Variants in DNAH5 observed in about 807,000 individuals in gnomAD.
DNAH5 encodes the protein axonemal beta dynein heavy chain 5.
In DNAH5, 372 loss-of-function variants were observed where a neutral mutation model predicts 518.2. That is an observed-to-expected ratio of 0.72 (90% CI 0.66 to 0.78). DNAH5 has a LOEUF of 0.78. DNAH5 is among the 30% of genes least tolerant of loss of function. The pLI, the probability that DNAH5 is intolerant of heterozygous loss-of-function variation, is 0.00. For synonymous variants in DNAH5, 2,039 were observed against 2,025.9 expected (o/e 1.01, Z -0.17); for missense variants, 5,523 against 5,687.0 (o/e 0.97, Z 0.93).
chr5:13,874,842 G>T (rs17275319), intron 22 of DNAH5, among the ~76,000 whole-genome samples: 7,947 of 151,722 alleles, frequency 0.052, 243 homozygotes, highest in Non-Finnish European at 0.072. Context: ...AAGCCAGGTT[G>T]TGTTAGAAGT....
rs763600940 is a variant in DNAH5, at chr5:13,917,244, T to A, written c.988A>T (p.Met330Leu). The change falls in exon 8 of 79, where the codon ATG becomes TTG. Residue 330 changes from methionine to leucine, a missense_variant. Around this residue, in one of 3 missense-constraint regions of DNAH5, gnomAD observed 5,121 missense variants for 5,223.3 expected, o/e 0.98. Transcript: ENST00000265104. The part of the protein sequence containing the change: ...KSKLLKTWRE[M>L]DIRITDATNE... The stretch of plus-strand genomic sequence containing the variant: ...GTTGCATCAGTGATTCGAATATCCA[T>A]CTCCCGCCAAGTCTAAGCACAATAG... The A allele has an allele frequency of 1.2e-6, 2 of 1,613,690 alleles. No homozygotes were observed. Among genetic ancestry groups the A allele is most frequent in the Admixed American group, 1.7e-5 (1 of 60,012 alleles).
chr5:13,814,229 T>G (rs940969387), intron 43 of DNAH5, among the ~76,000 whole-genome samples: 4 of 152,234 alleles, frequency 2.6e-5, no homozygotes, highest in African/African-American at 9.6e-5. Flanking sequence ...GTTAATGTTC[T>G]AAGATGGTCC....
At chr5:13,972,268 C>CT (rs150154370) in intron 1 of DNAH5, among the ~76,000 whole-genome samples, 103 of 152,330 alleles carry the variant, frequency 6.8e-4, no homozygotes, top group African/African-American at 2.4e-3. Flanking sequence ...GCAAGCAGGG[C>CT]TGTCAGGTTC....
chr5:13,977,706 C>T (rs1384957032), intron 1 of DNAH5, among the ~76,000 whole-genome samples: 1 of 152,216 alleles, frequency 6.6e-6, no homozygotes, highest in African/African-American at 2.4e-5. Flanking sequence ...CATCCTGGGT[C>T]CCAGCCCAGG....
chr5:13,941,816 C>A (rs1339285790), intron 1 of DNAH5, among the ~76,000 whole-genome samples: 1 of 152,208 alleles, frequency 6.6e-6, no homozygotes, highest in Non-Finnish European at 1.5e-5. Context: ...AACACACATT[C>A]CGCTGCAGTG....
At chr5:13,915,731 G>A (rs757037399) in intron 9 of DNAH5, among the ~76,000 whole-genome samples, 83 of 152,044 alleles carry the variant, frequency 5.5e-4, no homozygotes, top group Non-Finnish European at 1.0e-3. Context: ...TAACACTTAA[G>A]ATTTTTGCTT....
chr5:13,691,313 A>G lies in DNAH5; in HGVS notation c.*671T>C. ...TGCTCCAGCAATTTGTGAGTGGATC[A>G]GTTTTACTGAGAGCATGCTATCATT... is the stretch of plus-strand genomic sequence containing the variant. On this transcript the variant is annotated 3_prime_UTR_variant, in exon 79 of 79. Coordinates refer to ENST00000265104, the MANE Select transcript of DNAH5 (RefSeq NM_001369.3). 6.6e-6 allele frequency: 1 copy of G among 152,208 alleles called. No homozygotes were observed. The highest frequency in any genetic ancestry group is 1.9e-4 in the East Asian group (1 of 5,200). The allele number at this position is 152,208 out of a possible 1,614,324, so 9.4% of individuals were successfully genotyped here.
At chr5:13,844,758 C>T (rs917758154) in intron 32 of DNAH5, 79 bp downstream of exon 32, 22 of 1,585,032 alleles carry the variant, frequency 1.4e-5, no homozygotes, top group Non-Finnish European at 1.8e-5. Context: ...GTTATAAACC[C>T]GTTTTCGAAG....
At chr5:13,735,089 C>T (rs1185272932) in intron 68 of DNAH5, 42 bp downstream of exon 68, 8 of 1,591,422 alleles carry the variant, frequency 5.0e-6, no homozygotes, top group Non-Finnish European at 6.0e-6. Context: ...AATAACTCCT[C>T]CATCTGCACC....
chr5:13,926,294 C>T (rs1003918296), intron 3 of DNAH5, among the ~76,000 whole-genome samples: 22 of 152,198 alleles, frequency 1.4e-4, no homozygotes, highest in Non-Finnish European at 2.6e-4. Context: ...GGAGAAACCA[C>T]CACCGTGCCC....
At position 13,864,482 on chromosome 5, in the gene DNAH5, C is replaced by T; in HGVS notation, c.4511G>A (p.Gly1504Glu). The T allele has an allele frequency of 6.2e-7, 1 of 1,614,120 alleles. No homozygotes were observed. Among genetic ancestry groups the T allele is most frequent in the Non-Finnish European group, 8.5e-7 (1 of 1,180,004 alleles). ...RHWERITTLT[G>E]HSLDVGNESF... ...TTCATTCCCCACATCCAGACTGTGCCCGGTGAGGGTGGTTATCCTTTCCCA... is the reference window on the plus strand; with the variant it reads ...TTCATTCCCCACATCCAGACTGTGCTCGGTGAGGGTGGTTATCCTTTCCCA... Residue 1504 changes from glycine (G) to glutamate (E), a missense_variant, in exon 28 of 79, where the codon GGG (glycine) becomes GAG (glutamate). Physicochemically the swap from Gly to Glu is moderately conservative, Grantham distance 98. Coordinates refer to ENST00000265104, the MANE Select transcript of DNAH5 (RefSeq NM_001369.3).
intron 58 of DNAH5, among the ~76,000 whole-genome samples, chr5:13,768,100 A>G (rs923472964): frequency 6.6e-6 from 1 of 152,126 alleles, no homozygotes; most frequent in Non-Finnish European, 1.5e-5. Flanking sequence ...TAATTTTGCC[A>G]TTGGTGTATT....
chr5:13,743,719 T>C (rs926771265), intron 65 of DNAH5, among the ~76,000 whole-genome samples: 6 of 151,966 alleles, frequency 3.9e-5, no homozygotes, highest in Admixed American at 3.3e-4. Flanking sequence ...CTCAACATCA[T>C]TAATGGTCGG....
intron 65 of DNAH5, among the ~76,000 whole-genome samples, chr5:13,746,734 G>A (rs563162248): frequency 8.5e-5 from 13 of 152,124 alleles, no homozygotes; most frequent in South Asian, 6.2e-4. Context: ...CAGGCAATAC[G>A]CTCATGACTC....
chr5:13,749,559 T>C (rs1238529661), intron 65 of DNAH5, among the ~76,000 whole-genome samples: 1 of 152,200 alleles, frequency 6.6e-6, no homozygotes, highest in Non-Finnish European at 1.5e-5. Flanking sequence ...TTTGCTGCAA[T>C]CCAAGTCTGT....
chr5:13,983,325 C>T (rs1380843536), intron 1 of DNAH5, among the ~76,000 whole-genome samples: 1 of 152,162 alleles, frequency 6.6e-6, no homozygotes, highest in Non-Finnish European at 1.5e-5. Flanking sequence ...AGCCTGAAGT[C>T]GTTAAATGGC....
chr5:13,753,512 A>T lies in DNAH5; in HGVS notation c.10593T>A (p.Ser3531=), dbSNP rs200974254. The part of the protein sequence containing the change: ...VLLATAFLSY[S]GPFNQEFRDL... ...CACGAAACTCTTGGTTAAATGGACC[A>T]GAATAAGATAGAAAAGCTGTAGCCA... The change falls in exon 63 of 79, where the codon TCT becomes TCA. Residue 3531 remains serine (S), a synonymous_variant. Transcript: ENST00000265104. The T allele has an allele frequency of 6.4e-5, 104 of 1,613,970 alleles. No homozygotes were observed. In the East Asian group the frequency reaches 1.1e-3, roughly 17 times the overall value.
intron 52 of DNAH5, among the ~76,000 whole-genome samples, chr5:13,781,743 T>C (rs1755174509): frequency 6.6e-6 from 1 of 152,130 alleles, no homozygotes; most frequent in African/African-American, 2.4e-5. Flanking sequence ...TTAAACCTTT[T>C]CCTTCCCAGT....
chr5:13,711,822 A>T (rs942482080), intron 75 of DNAH5, among the ~76,000 whole-genome samples: 1 of 152,200 alleles, frequency 6.6e-6, no homozygotes, highest in African/African-American at 2.4e-5. Flanking sequence ...CCAAGAAGTC[A>T]AAAGACCTCT....
Sources: gnomAD v4.1 joint callset for allele counts (sites outside exome capture counted in the v4.1 genomes callset) on GRCh38, gnomAD v4.1.1 for gene constraint, gnomAD v4.1.1 regional missense constraint, MANE v1.5 for transcripts, NCBI Gene and HGNC (gene_info 2026-07-23, HGNC 2026-07-21) for gene names.